The following MINDY4B variants were observed in gnomAD, a reference collection of about 807,000 sequenced individuals.
The protein encoded by MINDY4B is MINDY family member 4B.
A neutral mutation model predicts 16.7 loss-of-function variants in MINDY4B; 25 were observed. The ratio of observed to expected loss-of-function variants is 1.49; its 90% CI spans 1.09 to 2.09. The LOEUF (loss-of-function observed/expected upper bound fraction) is 2.09, where lower values mean the gene tolerates loss of function less well. MINDY4B is among the 30% of genes most tolerant of loss of function. The pLI is 0.00. For synonymous variants in MINDY4B, 132 were observed against 61.9 expected (o/e 2.13, Z -5.32); for missense variants, 327 against 168.4 (o/e 1.94, Z -5.21).
At chr3:150,904,550 C>A (rs944546539) in intron 2 of MINDY4B, among the ~76,000 whole-genome samples, 2 of 152,160 alleles carry the variant, frequency 1.3e-5, no homozygotes, top group African/African-American at 4.8e-5. Context: ...AAGTCCATTA[C>A]CTTCTAACCT....
At chr3:150,894,453 G>T in intron 3 of MINDY4B, 148 bp from the exon 4 acceptor site, 1 of 539,836 alleles carries the variant, frequency 1.9e-6, no homozygotes, top group Non-Finnish European at 3.3e-6. Context: ...GATTTTAATT[G>T]TCTGAACTCC....
At chr3:150,886,125 G>A (rs1711615943) in intron 7 of MINDY4B, among the ~76,000 whole-genome samples, 1 of 152,158 alleles carries the variant, frequency 6.6e-6, no homozygotes, top group African/African-American at 2.4e-5. Flanking sequence ...TTCTGAAGGT[G>A]CCTTGCAATC....
At chr3:150,888,625 A>G (rs561535244) in intron 7 of MINDY4B, among the ~76,000 whole-genome samples, 2 of 152,252 alleles carry the variant, frequency 1.3e-5, no homozygotes, top group South Asian at 4.1e-4. Context: ...CTTGAGAGGA[A>G]TATATATACA....
intron 10 of MINDY4B, among the ~76,000 whole-genome samples, chr3:150,878,970 C>CT (rs1711501361): frequency 6.6e-6 from 1 of 152,196 alleles, no homozygotes; most frequent in African/African-American, 2.4e-5. Flanking sequence ...ATTCTTGACT[C>CT]TGTTTCTGTG....
At chr3:150,886,925 T>C (rs553662256) in intron 7 of MINDY4B, among the ~76,000 whole-genome samples, 9 of 152,210 alleles carry the variant, frequency 5.9e-5, no homozygotes, top group Admixed American at 1.3e-4. Context: ...CCCTTATCCA[T>C]GGGTGATAAG....
In MINDY4B at chr3:150,893,409, C is replaced by T. The variant is rs1238674752; in HGVS notation, c.436G>A (p.Ala146Thr). The T allele has an allele frequency of 8.5e-6, 6 of 702,734 alleles. No homozygotes were observed. The East Asian group carries it at 1.6e-4, about 19-fold the overall frequency. The allele number at this position is 702,734 out of a possible 1,614,324, so 43.5% of individuals were successfully genotyped here. The change falls in exon 5 of 12, where the codon GCC (alanine) becomes ACC (threonine). Residue 146 changes from alanine (A) to threonine (T), a missense_variant. By Grantham distance (58) the Ala-to-Thr change is moderately conservative. Coordinates refer to ENST00000465419, the MANE Select transcript of MINDY4B (RefSeq NM_001351281.2). Reference sequence around the variant, plus strand: ...TGCACAGCCATCTGAATGCTTCGGGCCCCTCCCTGAAATGAGGAGAATGAA... The same window carrying T: ...TGCACAGCCATCTGAATGCTTCGGGTCCCTCCCTGAAATGAGGAGAATGAA... ...AFTLEVGKGG[A>T]RSIQMAVQGS...
chr3:150,891,710 C>T (rs1447018902), intron 5 of MINDY4B, among the ~76,000 whole-genome samples: 4 of 142,966 alleles, frequency 2.8e-5, no homozygotes, highest in Non-Finnish European at 4.5e-5. Flanking sequence ...TGCAGTGAGC[C>T]GAGATCATGC....
chr3:150,902,411 G>A (rs796109892), intron 3 of MINDY4B, among the ~76,000 whole-genome samples: 2 of 152,304 alleles, frequency 1.3e-5, no homozygotes, highest in Admixed American at 6.5e-5. Context: ...GAGAAGTCCC[G>A]AGTTTCATTA....
intron 10 of MINDY4B, among the ~76,000 whole-genome samples, chr3:150,878,010 T>C (rs1231910474): frequency 2.0e-5 from 3 of 152,150 alleles, no homozygotes; most frequent in African/African-American, 7.2e-5. Context: ...GACACTTGCC[T>C]AGCTGCTAGC....
chr3:150,900,771 C>A (rs1438805242), intron 3 of MINDY4B, among the ~76,000 whole-genome samples: 1 of 152,048 alleles, frequency 6.6e-6, no homozygotes, highest in Non-Finnish European at 1.5e-5. Flanking sequence ...TGGGGCGGTC[C>A]CCAGTTGCTT....
intron 10 of MINDY4B, among the ~76,000 whole-genome samples, chr3:150,880,024 A>G (rs1241642534): frequency 6.6e-6 from 1 of 152,224 alleles, no homozygotes; most frequent in Non-Finnish European, 1.5e-5. Context: ...AAAGTCTTAT[A>G]TGTCTATAGA....
At chr3:150,885,261 A>G in intron 8 of MINDY4B, 107 bp downstream of exon 8, 1 of 636,492 alleles carries the variant, frequency 1.6e-6, no homozygotes, top group Non-Finnish European at 2.8e-6. Flanking sequence ...CTAGAAAAAA[A>G]CATTGCATTC....
chr3:150,901,522 C>CTTTTTTTTTTTTTTTT (rs10556676), intron 3 of MINDY4B: 3 of 134,954 alleles, frequency 2.2e-5, no homozygotes, highest in East Asian at 2.1e-4. Flanking sequence ...CTTTTCTTTT[C>CTTTTTTTTTTTTTTTT]TTTTTTTTTT....
intron 10 of MINDY4B, among the ~76,000 whole-genome samples, chr3:150,881,618 A>AAAG (rs1711523021): frequency 6.9e-6 from 1 of 145,392 alleles, no homozygotes; most frequent in Non-Finnish European, 1.5e-5. Flanking sequence ...TCTGTTTAAA[A>AAAG]AAAAAAAAAA....
Position 150,879,556 on chromosome 3 carries a change from G to A in MINDY4B, c.1059+3341C>T, listed in dbSNP as rs564924037. Among the ~76,000 whole-genome samples, 5 of 152,330 alleles carry A rather than the reference G, an allele frequency of 3.3e-5. No individual in the cohort carries two copies. In the East Asian group the frequency reaches 9.6e-4, roughly 29 times the overall value. ...ACTTCAGTTGCCCAGATGCTTCCCA[G>A]ACCAAATGAAGCAGTCTTTGGGTAG... On this transcript the variant is annotated intron_variant, in intron 10 of 11. Coordinates refer to ENST00000465419, the MANE Select transcript of MINDY4B (RefSeq NM_001351281.2).
intron 3 of MINDY4B, 52 bp downstream of exon 3, chr3:150,903,197 G>T (rs2107912850): frequency 2.5e-6 from 1 of 398,266 alleles, no homozygotes; most frequent in East Asian, 3.6e-5. Flanking sequence ...CAGCCTTGTT[G>T]TTTTGGGAAG....
At chr3:150,885,462 C>T in intron 7 of MINDY4B, 24 bp from the exon 8 acceptor site, 1 of 357,268 alleles carries the variant, frequency 2.8e-6, no homozygotes, top group Non-Finnish European at 4.9e-6. Flanking sequence ...AAAAGAAAAG[C>T]ATGTTGGTCT....
intron 7 of MINDY4B, 60 bp downstream of exon 7, chr3:150,890,260 A>C (rs1711762550): frequency 2.3e-6 from 1 of 439,024 alleles, no homozygotes. Flanking sequence ...TTGTAAAAGG[A>C]AGAAGATCCC....
Position 150,892,676 on chromosome 3 carries a change from G to A in MINDY4B, c.521+648C>T, listed in dbSNP as rs963511187. Among the ~76,000 whole-genome samples, 17 of 152,144 alleles carry A rather than the reference G, an allele frequency of 1.1e-4. No individual in the cohort carries two copies. In the East Asian group the frequency reaches 3.3e-3, roughly 29 times the overall value. ...AATAGGAGGATTGGCCGGGTGCAGT[G>A]GCTCACGCCTATAATCTCAGCACTT... On this transcript the variant is annotated intron_variant, in intron 5 of 11. Coordinates refer to ENST00000465419, the MANE Select transcript of MINDY4B (RefSeq NM_001351281.2).
Sources: gnomAD v4.1 joint callset for allele counts (sites outside exome capture counted in the v4.1 genomes callset) on GRCh38, gnomAD v4.1.1 for gene constraint, MANE v1.5 for transcripts, NCBI Gene and HGNC (gene_info 2026-07-23, HGNC 2026-07-21) for gene names.